SLC9A9: variants seen among roughly 807,000 people sequenced by gnomAD.
SLC9A9 encodes the protein solute carrier family 9 member A9, also known as sodium/hydrogen exchanger 9.
SLC9A9 carries 62 observed loss-of-function variants against 77.8 expected under a neutral mutation model. The observed-to-expected ratio is 0.80, with a 90% confidence interval of 0.65 to 0.98. The LOEUF (loss-of-function observed/expected upper bound fraction) is 0.98, where lower values mean the gene tolerates loss of function less well. Among genes scored for constraint, SLC9A9 ranks in the 50% least tolerant of loss-of-function variants. The probability of loss-of-function intolerance (pLI) is 0.00; values close to 1 mark genes in which losing one functional copy is unlikely to be tolerated. For synonymous variants in SLC9A9, 320 were observed against 283.5 expected (o/e 1.13, Z -1.29); for missense variants, 775 against 774.9 (o/e 1.00, Z 0.00).
At chr3:143,626,277 A>C (rs2038325087) in intron 6 of SLC9A9, among the ~76,000 whole-genome samples, 1 of 152,274 alleles carries the variant, frequency 6.6e-6, no homozygotes. Context: ...TATACACCCA[A>C]AGGATTATAA....
At chr3:143,739,309 G>A (rs750407251) in intron 4 of SLC9A9, among the ~76,000 whole-genome samples, 7 of 152,068 alleles carry the variant, frequency 4.6e-5, no homozygotes, top group Non-Finnish European at 1.0e-4. Flanking sequence ...AAATGCCAAG[G>A]GTTTTAAGAG....
At chr3:143,388,857 G>A (rs966814353) in intron 12 of SLC9A9, among the ~76,000 whole-genome samples, 3 of 152,228 alleles carry the variant, frequency 2.0e-5, no homozygotes, top group African/African-American at 7.2e-5. Flanking sequence ...CACCAACAAA[G>A]AGCCTGATCA....
intron 11 of SLC9A9, among the ~76,000 whole-genome samples, chr3:143,471,269 C>T (rs1307572744): frequency 6.6e-6 from 1 of 152,158 alleles, no homozygotes; most frequent in Non-Finnish European, 1.5e-5. Context: ...TGTCTATGTC[C>T]TACCCATCCT....
At chr3:143,344,738 T>C (rs2032209535) in intron 14 of SLC9A9, 1 of 152,188 alleles carries the variant, frequency 6.6e-6, no homozygotes, top group Non-Finnish European at 1.5e-5. Context: ...GTTTTTCTTT[T>C]AAAAAACAAA....
At chr3:143,841,344 C>A (rs1317861552) in intron 1 of SLC9A9, among the ~76,000 whole-genome samples, 1 of 152,126 alleles carries the variant, frequency 6.6e-6, no homozygotes, top group Non-Finnish European at 1.5e-5. Context: ...TTTATTACCT[C>A]AGTTTTCCTA....
At position 143,690,263 on chromosome 3, in the gene SLC9A9, A is replaced by T. The variant is rs1933417210; in HGVS notation, c.649+2929T>A. Among the ~76,000 whole-genome samples, 4 of 152,110 alleles carry T rather than the reference A, an allele frequency of 2.6e-5. No homozygotes were observed. In the South Asian group the frequency reaches 8.3e-4, roughly 31 times the overall value. ...AGAAAAAGAGTAGGCAGTAGAAAAT[A>T]AAAACGAAAATAAAAATTCAAGGCA... On this transcript the variant is annotated intron_variant, in intron 5 of 15. Transcript: ENST00000316549.
chr3:143,650,162 G>A (rs1191470003), intron 6 of SLC9A9, among the ~76,000 whole-genome samples: 1 of 152,196 alleles, frequency 6.6e-6, no homozygotes, highest in African/African-American at 2.4e-5. Context: ...CACTCAGAGA[G>A]TTGTGTCAGG....
At chr3:143,578,034 C>T (rs2037390844) in intron 7 of SLC9A9, among the ~76,000 whole-genome samples, 1 of 152,178 alleles carries the variant, frequency 6.6e-6, no homozygotes, top group African/African-American at 2.4e-5. Flanking sequence ...AATCAAATGA[C>T]ATGATTGCTC....
intron 4 of SLC9A9, among the ~76,000 whole-genome samples, chr3:143,758,345 G>T (rs2006998004): frequency 6.6e-6 from 1 of 152,156 alleles, no homozygotes; most frequent in African/African-American, 2.4e-5. Flanking sequence ...ACTTTAGAAT[G>T]ATCACATGTT....
At chr3:143,743,185 G>A (rs191084128) in intron 4 of SLC9A9, among the ~76,000 whole-genome samples, 17 of 151,670 alleles carry the variant, frequency 1.1e-4, no homozygotes, top group African/African-American at 4.1e-4. Flanking sequence ...TAGGAAGGAA[G>A]GATGGATGGA....
At chr3:143,317,666 G>A (rs1240367266) in intron 14 of SLC9A9, among the ~76,000 whole-genome samples, 1 of 40,626 alleles carries the variant, frequency 2.5e-5, no homozygotes, top group Non-Finnish European at 4.8e-5. Flanking sequence ...GTATTTCTCA[G>A]GTTTGAAATG....
intron 12 of SLC9A9, among the ~76,000 whole-genome samples, chr3:143,399,629 T>C (rs1247273622): frequency 6.6e-6 from 1 of 152,130 alleles, no homozygotes; most frequent in Non-Finnish European, 1.5e-5. Context: ...GTGCACAGCA[T>C]GGAAACAGAA....
At chr3:143,323,792 A>T (rs1249766833) in intron 14 of SLC9A9, among the ~76,000 whole-genome samples, 2 of 152,226 alleles carry the variant, frequency 1.3e-5, no homozygotes, top group African/African-American at 4.8e-5. Flanking sequence ...TGTACAAATA[A>T]AACCTAAAAA....
At chr3:143,759,566 C>T (rs769137340) in intron 4 of SLC9A9, among the ~76,000 whole-genome samples, 10 of 151,928 alleles carry the variant, frequency 6.6e-5, no homozygotes, top group Non-Finnish European at 1.3e-4. Flanking sequence ...GATGGGTGTC[C>T]AGATCCTTTG....
At chr3:143,560,751 C>T (rs1167490373) in intron 8 of SLC9A9, among the ~76,000 whole-genome samples, 1 of 147,720 alleles carries the variant, frequency 6.8e-6, no homozygotes, top group Admixed American at 6.7e-5. Context: ...GAAACAAATA[C>T]ATCACATCTT....
At chr3:143,533,676 T>A (rs1295556651) in intron 9 of SLC9A9, among the ~76,000 whole-genome samples, 1 of 152,206 alleles carries the variant, frequency 6.6e-6, no homozygotes, top group Non-Finnish European at 1.5e-5. Flanking sequence ...AGGGTATTTT[T>A]AAAAATGTGT....
chr3:143,547,090 G>C (rs190995483), intron 9 of SLC9A9, among the ~76,000 whole-genome samples: 2 of 152,064 alleles, frequency 1.3e-5, no homozygotes, highest in African/African-American at 4.8e-5. Flanking sequence ...CTTCTAGGAC[G>C]CCATACTTTG....
At chr3:143,810,127 A>G (rs1269531680) in intron 2 of SLC9A9, among the ~76,000 whole-genome samples, 3 of 152,202 alleles carry the variant, frequency 2.0e-5, no homozygotes, top group Non-Finnish European at 4.4e-5. Flanking sequence ...GGATGCAGCA[A>G]ATTTTAAATA....
At chr3:143,809,977 T>C (rs2008820699) in intron 2 of SLC9A9, among the ~76,000 whole-genome samples, 1 of 152,194 alleles carries the variant, frequency 6.6e-6, no homozygotes, top group Non-Finnish European at 1.5e-5. Flanking sequence ...ACAAAAGGTG[T>C]GACTAATTTG....
Sources: gnomAD v4.1 joint callset for allele counts (sites outside exome capture counted in the v4.1 genomes callset) on GRCh38, gnomAD v4.1.1 for gene constraint, MANE v1.5 for transcripts, NCBI Gene and HGNC (gene_info 2026-07-23, HGNC 2026-07-21) for gene names.